Variants in KIAA1549 observed in about 807,000 individuals in gnomAD.
The protein encoded by KIAA1549 is KIAA1549, also known as UPF0606 protein KIAA1549.
Under a neutral mutation model 156.4 loss-of-function variants are expected in KIAA1549, and 70 were observed. The observed-to-expected ratio is 0.45, with a 90% CI of 0.37 to 0.55. The LOEUF (loss-of-function observed/expected upper bound fraction) is 0.55. KIAA1549 is among the 20% of genes least tolerant of loss of function. The pLI is 0.00. For synonymous variants in KIAA1549, 1,103 were observed against 1,066.4 expected, an observed-to-expected ratio of 1.03 and a Z score of -0.67; for missense variants, 2,428 against 2,540.9, an observed-to-expected ratio of 0.96 and a Z score of 0.96.
chr7:138,979,206 T>C (rs894408894), intron 1 of KIAA1549, among the ~76,000 whole-genome samples: 2 of 152,202 alleles, frequency 1.3e-5, no homozygotes, highest in African/African-American at 4.8e-5. Flanking sequence ...ATATTATTAA[T>C]TTCATGTCTC....
chr7:138,964,057 G>A (rs1208597084), intron 1 of KIAA1549, among the ~76,000 whole-genome samples: 2 of 152,156 alleles, frequency 1.3e-5, no homozygotes, highest in African/African-American at 4.8e-5. Flanking sequence ...AAAGTAAAAT[G>A]CACCACCACA....
chr7:138,958,689 T>A (rs544100849), intron 1 of KIAA1549, among the ~76,000 whole-genome samples: 1 of 152,114 alleles, frequency 6.6e-6, no homozygotes, highest in South Asian at 2.1e-4. Context: ...CTACTCTTCT[T>A]CCCTGGTATA....
At chr7:138,881,238 C>T (rs1277262157) in intron 11 of KIAA1549, 150 bp downstream of exon 11, 8 of 693,000 alleles carry the variant, frequency 1.2e-5, no homozygotes, top group Non-Finnish European at 1.9e-5. Flanking sequence ...CACTCTTGGG[C>T]TCCTGTGTGA....
chr7:138,882,586 CAT>C (rs1166802057), intron 10 of KIAA1549, among the ~76,000 whole-genome samples: 1 of 152,060 alleles, frequency 6.6e-6, no homozygotes, highest in Non-Finnish European at 1.5e-5. Context: ...AGTTTTTCAA[CAT>C]AAATACAGAT....
At chr7:138,928,654 A>G (rs113498542) in intron 1 of KIAA1549, among the ~76,000 whole-genome samples, 6,699 of 152,340 alleles carry the variant, frequency 0.044, 214 homozygotes, top group African/African-American at 0.075. Context: ...TTAATAAAGC[A>G]AATATCACAA....
intron 18 of KIAA1549, among the ~76,000 whole-genome samples, chr7:138,843,811 T>G (rs978189725): frequency 6.6e-6 from 1 of 152,122 alleles, no homozygotes; most frequent in Non-Finnish European, 1.5e-5. Flanking sequence ...TGCTGAGTAA[T>G]AGACAATGCA....
chr7:138,925,173 A>G (rs1191770494), intron 1 of KIAA1549, among the ~76,000 whole-genome samples: 1 of 152,174 alleles, frequency 6.6e-6, no homozygotes, highest in Non-Finnish European at 1.5e-5. Context: ...ATGATGATAC[A>G]GTAGTGAGGA....
intron 17 of KIAA1549, among the ~76,000 whole-genome samples, chr7:138,849,784 A>C (rs575143690): frequency 6.6e-6 from 1 of 152,246 alleles, no homozygotes; most frequent in Non-Finnish European, 1.5e-5. Flanking sequence ...CTCATCATTT[A>C]GCCCCCACTT....
chr7:138,899,160 T>C, intron 8 of KIAA1549, 28 bp from the exon 9 acceptor site: 1 of 1,605,036 alleles, frequency 6.2e-7, no homozygotes, highest in Non-Finnish European at 8.5e-7. Context: ...CCATTCACAT[T>C]GCAGAAGCTC....
chr7:138,920,271 GAT>G (rs886688011), intron 1 of KIAA1549, among the ~76,000 whole-genome samples: 2 of 54,356 alleles, frequency 3.7e-5, no homozygotes, highest in African/African-American at 7.5e-4. Context: ...ATGCAGCACA[GAT>G]ATGAGCTTCA....
At chr7:138,841,651 G>A (rs920175518) in intron 18 of KIAA1549, among the ~76,000 whole-genome samples, 3 of 152,298 alleles carry the variant, frequency 2.0e-5, no homozygotes, top group East Asian at 3.9e-4. Context: ...GGCTCCAAGC[G>A]TCCATATCTA....
At chr7:138,912,672 C>G (rs1812203110) in intron 2 of KIAA1549, among the ~76,000 whole-genome samples, 2 of 151,928 alleles carry the variant, frequency 1.3e-5, no homozygotes, top group South Asian at 4.2e-4. Context: ...CTTGAAGACA[C>G]CAGGTCAACT....
intron 1 of KIAA1549, among the ~76,000 whole-genome samples, chr7:138,978,359 G>T (rs1372975503): frequency 1.3e-5 from 2 of 152,102 alleles, no homozygotes; most frequent in African/African-American, 4.8e-5. Flanking sequence ...AAGAAACTGG[G>T]CATGATTCTT....
rs112198779 is a variant in KIAA1549 at position 138,952,332 on chromosome 7, T to C, written c.187+28751A>G. On this transcript the variant is annotated intron_variant, in intron 1 of 19. Transcript: ENST00000422774. Reference sequence around the variant, plus strand: ...AAAAATAAGAATCCGGGATTCTGGATCTAAACAAGATGAGGCACATCAAAG... The same window carrying C: ...AAAAATAAGAATCCGGGATTCTGGACCTAAACAAGATGAGGCACATCAAAG... Among the ~76,000 whole-genome samples, 381 of 152,288 alleles carry C rather than the reference T, an allele frequency of 2.5e-3. 3 individuals carry two copies. Among genetic ancestry groups the C allele is most frequent in the African/African-American group, 8.6e-3 (357 of 41,558 alleles).
chr7:138,872,266 C>T (rs1810959968), intron 12 of KIAA1549, among the ~76,000 whole-genome samples: 1 of 150,534 alleles, frequency 6.6e-6, no homozygotes, highest in African/African-American at 2.4e-5. Flanking sequence ...ACTTTAAAAA[C>T]AGTTGAAGAG....
chr7:138,918,699 C>T lies in KIAA1549; in HGVS notation c.927G>A (p.Gln309=). 1 of 1,613,836 alleles carries T rather than the reference C, an allele frequency of 6.2e-7. No individual in the cohort carries two copies. ...TTGTGGCCCAAACCTCCTCTGGAGG[C>T]TGTGAGACCTCCCCCAAGGAGGGCA... ...IPLPSLGEVS[Q]PPEEVWATSA... Residue 309 remains glutamine, a synonymous_variant, in exon 2 of 20, where the codon CAG becomes CAA. Transcript: ENST00000422774. The surrounding 1 kb of genome is among the most constrained non-coding windows in gnomAD (Gnocchi z 4.2).
chr7:138,950,205 G>A (rs945750950), intron 1 of KIAA1549, among the ~76,000 whole-genome samples: 5 of 152,160 alleles, frequency 3.3e-5, no homozygotes, highest in Non-Finnish European at 7.4e-5. Context: ...AAAATTCATT[G>A]TATACTTACA....
intron 1 of KIAA1549, among the ~76,000 whole-genome samples, chr7:138,928,338 G>C (rs969681289): frequency 1.3e-5 from 2 of 151,728 alleles, no homozygotes; most frequent in Admixed American, 1.3e-4. Flanking sequence ...CCAGGCTGGA[G>C]TGCAGTGGTG....
chr7:138,903,827 G>A, intron 7 of KIAA1549, 91 bp from the exon 8 acceptor site: 1 of 332,928 alleles, frequency 3.0e-6, no homozygotes. Context: ...GTGTGTGTGT[G>A]TGTGTGTGTG....
Sources: gnomAD v4.1 joint callset for allele counts (sites outside exome capture counted in the v4.1 genomes callset) on GRCh38, gnomAD v4.1.1 for gene constraint, Gnocchi (gnomAD v3.1) non-coding constraint, MANE v1.5 for transcripts, NCBI Gene and HGNC (gene_info 2026-07-23, HGNC 2026-07-21) for gene names.